The following MECOM variants were observed in gnomAD, a reference collection of about 807,000 sequenced individuals.
MECOM encodes histone-lysine N-methyltransferase MECOM.
Under a neutral mutation model 116.3 loss-of-function variants are expected in MECOM, and 13 were observed. The observed-to-expected ratio is 0.11, with a 90% CI of 0.07 to 0.18. The LOEUF is 0.18. Ranked by LOEUF, MECOM falls within the 10% of genes least tolerant of loss-of-function variation. The pLI is 1.00. For missense variants in MECOM, 1,299 were observed against 1,509.0 expected, an observed-to-expected ratio of 0.86 and a Z score of 2.31; for synonymous variants, 528 against 535.2, an observed-to-expected ratio of 0.99 and a Z score of 0.19.
chr3:169,626,507 A>G (rs1771392013), intron 1 of MECOM, among the ~76,000 whole-genome samples: 1 of 152,146 alleles, frequency 6.6e-6, no homozygotes, highest in African/African-American at 2.4e-5. Context: ...TCACTCAACA[A>G]AAAGAGCCTC....
At chr3:169,351,149 AT>A (rs1201065140) in intron 2 of MECOM, among the ~76,000 whole-genome samples, 4 of 151,704 alleles carry the variant, frequency 2.6e-5, no homozygotes, top group Non-Finnish European at 2.9e-5. Flanking sequence ...TAATGAAAAG[AT>A]TTTTTTATAT....
At chr3:169,284,409 A>G (rs1425828232) in intron 2 of MECOM, among the ~76,000 whole-genome samples, 1 of 152,052 alleles carries the variant, frequency 6.6e-6, no homozygotes, top group African/African-American at 2.4e-5. Flanking sequence ...CCTCAGCTTA[A>G]TCCTGAGGGT....
chr3:169,514,377 G>GT (rs1230648408), intron 1 of MECOM, among the ~76,000 whole-genome samples: 1 of 152,124 alleles, frequency 6.6e-6, no homozygotes, highest in Non-Finnish European at 1.5e-5. Flanking sequence ...TATTTGTTCA[G>GT]TGGTGAATGG....
chr3:169,518,342 T>TG (rs1039963568), intron 1 of MECOM, among the ~76,000 whole-genome samples: 1 of 152,078 alleles, frequency 6.6e-6, no homozygotes, highest in African/African-American at 2.4e-5. Context: ...CTTAGATTCC[T>TG]GGGGGAAGGG....
At chr3:169,571,058 T>C (rs1424573566) in intron 1 of MECOM, among the ~76,000 whole-genome samples, 1 of 152,200 alleles carries the variant, frequency 6.6e-6, no homozygotes. Context: ...ATGGTCTCTG[T>C]TTGCAGATGA....
At chr3:169,189,081 C>T (rs1260361305) in intron 2 of MECOM, among the ~76,000 whole-genome samples, 1 of 152,062 alleles carries the variant, frequency 6.6e-6, no homozygotes, top group African/African-American at 2.4e-5. Flanking sequence ...TCATGACTCG[C>T]ATGATCCTAG....
chr3:169,281,836 C>G (rs1712110328), intron 2 of MECOM, among the ~76,000 whole-genome samples: 1 of 152,042 alleles, frequency 6.6e-6, no homozygotes, highest in African/African-American at 2.4e-5. Flanking sequence ...TAAAAAAAGA[C>G]TTAATTGAAC....
intron 11 of MECOM, 28 bp downstream of exon 11, chr3:169,102,032 A>T: frequency 6.4e-7 from 1 of 1,574,790 alleles, no homozygotes; most frequent in African/African-American, 1.4e-5. Context: ...ATTTCTGGAA[A>T]GTCAGCCATA....
chr3:169,212,101 A>G (rs1750796158), intron 2 of MECOM, among the ~76,000 whole-genome samples: 1 of 152,108 alleles, frequency 6.6e-6, no homozygotes. Flanking sequence ...TGAGAAATAT[A>G]CCTTGGGGCC....
chr3:169,153,605 G>C (rs1209466677), intron 2 of MECOM, among the ~76,000 whole-genome samples: 1 of 151,918 alleles, frequency 6.6e-6, no homozygotes, highest in Non-Finnish European at 1.5e-5. Context: ...ATAACTCCAG[G>C]ATCAGATTCT....
chr3:169,478,175 G>A (rs1288647312), intron 1 of MECOM, among the ~76,000 whole-genome samples: 1 of 152,146 alleles, frequency 6.6e-6, no homozygotes, highest in Non-Finnish European at 1.5e-5. Context: ...AACTTTTCCT[G>A]GTGCTCTGGA....
intron 2 of MECOM, among the ~76,000 whole-genome samples, chr3:169,256,933 C>T (rs531342006): frequency 5.9e-5 from 9 of 152,234 alleles, no homozygotes; most frequent in Middle Eastern, 3.4e-3. Context: ...GCTGATTCTT[C>T]TGAAATAAGT....
At chr3:169,168,770 C>CA (rs1281476552) in intron 2 of MECOM, among the ~76,000 whole-genome samples, 3 of 149,924 alleles carry the variant, frequency 2.0e-5, no homozygotes, top group African/African-American at 2.5e-5. Context: ...TGGCAAATCT[C>CA]AAAAAAAAGT....
chr3:169,166,792 CA>C (rs1268786391), intron 2 of MECOM, among the ~76,000 whole-genome samples: 5 of 151,926 alleles, frequency 3.3e-5, no homozygotes, highest in African/African-American at 9.7e-5. Flanking sequence ...AACTGCTTGG[CA>C]AAAAAATAAC....
In MECOM at chr3:169,444,061, T is replaced by G. The variant is rs1006701211; in HGVS notation, c.38-62537A>C. On this transcript the variant is annotated intron_variant, in intron 1 of 16. Transcript: ENST00000651503. ...TTCTTCGTACTGATAGCAGATAACT[T>G]TGGAAACATATTTAAGTTATCCTTT... Among the ~76,000 whole-genome samples, 32 of 152,224 alleles carry G rather than the reference T, an allele frequency of 2.1e-4. 1 individual carries two copies. Among genetic ancestry groups the G allele is most frequent in the African/African-American group, 5.8e-4 (24 of 41,464 alleles).
chr3:169,170,403 C>T (rs78392084), intron 2 of MECOM, among the ~76,000 whole-genome samples: 1 of 74,368 alleles, frequency 1.3e-5, no homozygotes, highest in South Asian at 5.0e-4. Context: ...AAGACTCTGT[C>T]AAAAAAAAAA....
rs550507466 is a variant in MECOM, at chr3:169,200,020, T to A, written c.376-56188A>T. 2.0e-5 allele frequency among the ~76,000 whole-genome samples: 3 copies of A among 152,206 alleles called. No individual in the cohort carries two copies. The South Asian group carries it at 6.2e-4, about 32-fold the overall frequency. On this transcript the variant is annotated intron_variant, in intron 2 of 16. Coordinates refer to ENST00000651503, the MANE Select transcript of MECOM (RefSeq NM_004991.4). ...TATCAAGATATAGTAAAACGTTGTG[T>A]TCTGTTTTAGGCAATGCAAAGAGTT... is the stretch of plus-strand genomic sequence containing the variant.
intron 2 of MECOM, among the ~76,000 whole-genome samples, chr3:169,279,611 TGCATGTATGTG>T (rs1385660834): frequency 8.5e-5 from 13 of 152,364 alleles, no homozygotes; most frequent in Non-Finnish European, 8.8e-5. Context: ...TACACGTTTG[TGCATGTATGTG>T]GCTTTGTGTT....
chr3:169,317,118 G>A (rs1395772767), intron 2 of MECOM, among the ~76,000 whole-genome samples: 2 of 152,178 alleles, frequency 1.3e-5, no homozygotes, highest in East Asian at 3.8e-4. Context: ...TAAGTCCAGG[G>A]ATAAGGGTTT....
Sources: gnomAD v4.1 joint callset for allele counts (sites outside exome capture counted in the v4.1 genomes callset) on GRCh38, gnomAD v4.1.1 for gene constraint, MANE v1.5 for transcripts, NCBI Gene and HGNC (gene_info 2026-07-23, HGNC 2026-07-21) for gene names.